Variants in KIF26B observed in about 807,000 individuals in gnomAD.
KIF26B encodes the protein kinesin family member 26B.
A neutral mutation model predicts 151.2 loss-of-function variants in KIF26B; 63 were observed. That is an observed-to-expected ratio of 0.42 (90% CI 0.34 to 0.51). KIF26B has a LOEUF of 0.51. KIF26B is among the 20% of genes least tolerant of loss of function. The probability of loss-of-function intolerance (pLI) is 0.07; values close to 1 mark genes in which losing one functional copy is unlikely to be tolerated. For missense variants in KIF26B, 2,813 were observed against 2,913.6 expected (o/e 0.97, Z 0.79); for synonymous variants, 1,357 against 1,262.1 (o/e 1.08, Z -1.59).
chr1:245,305,765 C>T (rs1274680734), intron 2 of KIF26B, among the ~76,000 whole-genome samples: 3 of 151,704 alleles, frequency 2.0e-5, no homozygotes, highest in Non-Finnish European at 4.4e-5. Context: ...GGTGAAACCC[C>T]GTCTCTACTA....
At chr1:245,412,733 G>C (rs1430275363) in intron 3 of KIF26B, among the ~76,000 whole-genome samples, 1 of 152,176 alleles carries the variant, frequency 6.6e-6, no homozygotes, top group Non-Finnish European at 1.5e-5. Context: ...TGAGGTATCA[G>C]TGTAGACATT....
intron 4 of KIF26B, among the ~76,000 whole-genome samples, chr1:245,435,695 A>G (rs1658912480): frequency 6.6e-6 from 1 of 152,134 alleles, no homozygotes; most frequent in East Asian, 1.9e-4. Flanking sequence ...AATATACCCA[A>G]GCTCCACTCT....
chr1:245,208,525 GA>G (rs1669451375), intron 2 of KIF26B, among the ~76,000 whole-genome samples: 1 of 152,186 alleles, frequency 6.6e-6, no homozygotes, highest in Admixed American at 6.5e-5. Context: ...CCTTCCTCAG[GA>G]GAGGTGGCAC....
chr1:245,685,714 G>C lies in KIF26B; in HGVS notation c.2731G>C (p.Ala911Pro). 6.2e-7 allele frequency: 1 copy of C among 1,611,796 alleles called. No individual in the cohort carries two copies. The highest frequency in any genetic ancestry group is 8.5e-7 in the Non-Finnish European group (1 of 1,179,204). The change falls in exon 12 of 15, where the codon GCT becomes CCT. Residue 911 changes from alanine to proline, a missense_variant. By Grantham distance (27) the Ala-to-Pro change is conservative (BLOSUM62 -1). Transcript: ENST00000407071. ...GDSRPAEAGE[A>P]AAGKSERDCL... ...CAGCCGGCCCGCAGAGGCAGGAGAG[G>C]CTGCAGCCGGCAAGTCAGAAAGGGA...
At chr1:245,273,329 A>G (rs1670883583) in intron 2 of KIF26B, among the ~76,000 whole-genome samples, 1 of 152,022 alleles carries the variant, frequency 6.6e-6, no homozygotes, top group Admixed American at 6.6e-5. Flanking sequence ...GAGGCCAGAG[A>G]ATCGCTTGAA....
At chr1:245,609,157 C>T in intron 7 of KIF26B, 109 bp from the exon 8 acceptor site, 1 of 1,019,720 alleles carries the variant, frequency 9.8e-7, no homozygotes, top group Non-Finnish European at 1.4e-6. Context: ...CTTCCCTTTT[C>T]CCCCCTTCCC....
At position 245,688,247 on chromosome 1, in the gene KIF26B, C is replaced by T; in HGVS notation, c.5264C>T (p.Thr1755Ile). 1 of 1,593,392 alleles carries T rather than the reference C, an allele frequency of 6.3e-7. No individual in the cohort carries two copies. ...GGCCCGTCCGCCTCCACCACCAAAACCCTCAGCTTCTCCACCAAGTCCCTG... is the reference window on the plus strand; with the variant it reads ...GGCCCGTCCGCCTCCACCACCAAAATCCTCAGCTTCTCCACCAAGTCCCTG... ...ARGPSASTTK[T>I]LSFSTKSLPQ... is the part of the protein sequence containing the mutation. Residue 1755 changes from threonine (T) to isoleucine (I), a missense_variant, in exon 12 of 15, where the codon ACC becomes ATC. Physicochemically the swap from Thr to Ile is moderately conservative, Grantham distance 89 (BLOSUM62 -1). This residue lies in a region of KIF26B where 2,060 missense variants were observed against 2,088.6 expected (regional missense o/e 0.99). Transcript: ENST00000407071.
intron 2 of KIF26B, among the ~76,000 whole-genome samples, chr1:245,289,303 T>A (rs1270208574): frequency 2.0e-5 from 3 of 152,202 alleles, no homozygotes; most frequent in African/African-American, 7.2e-5. Context: ...TCAAAGAAAT[T>A]ACCGGCATGC....
intron 4 of KIF26B, among the ~76,000 whole-genome samples, chr1:245,480,688 T>C (rs1048687297): frequency 2.6e-5 from 4 of 151,608 alleles, no homozygotes; most frequent in African/African-American, 7.3e-5. Context: ...ACCTGAATTG[T>C]TCTCACTCTG....
intron 4 of KIF26B, among the ~76,000 whole-genome samples, chr1:245,522,062 G>A (rs1044793379): frequency 1.3e-5 from 2 of 152,024 alleles, no homozygotes; most frequent in African/African-American, 2.4e-5. Context: ...GTAGAGACGG[G>A]GTTTCACCGT....
At chr1:245,587,067 C>T (rs1442018013) in intron 5 of KIF26B, among the ~76,000 whole-genome samples, 1 of 152,188 alleles carries the variant, frequency 6.6e-6, no homozygotes, top group Non-Finnish European at 1.5e-5. Flanking sequence ...CATAGAAGTA[C>T]CTTGCCCCAA....
At chr1:245,443,441 C>G (rs1443368015) in intron 4 of KIF26B, among the ~76,000 whole-genome samples, 1 of 109,898 alleles carries the variant, frequency 9.1e-6, no homozygotes, top group Non-Finnish European at 1.9e-5. Flanking sequence ...CTGCGGTCAT[C>G]TCCCTCACTG....
At chr1:245,485,444 C>T (rs527578534) in intron 4 of KIF26B, among the ~76,000 whole-genome samples, 3 of 146,950 alleles carry the variant, frequency 2.0e-5, no homozygotes, top group Admixed American at 7.0e-5. Context: ...AGTGCAATGG[C>T]GTGATCTCGG....
chr1:245,432,764 A>G (rs953331635), intron 4 of KIF26B, among the ~76,000 whole-genome samples: 3 of 152,174 alleles, frequency 2.0e-5, no homozygotes, highest in Admixed American at 2.0e-4. Context: ...GAAAACACCA[A>G]TCTGTCCAGG....
intron 9 of KIF26B, among the ~76,000 whole-genome samples, chr1:245,612,323 G>A (rs1209301659): frequency 6.6e-6 from 1 of 152,028 alleles, no homozygotes; most frequent in Non-Finnish European, 1.5e-5. Flanking sequence ...ATGTTGCCCA[G>A]GCTGGTCTAG....
chr1:245,260,088 T>G (rs7536824), intron 2 of KIF26B, among the ~76,000 whole-genome samples: 91,762 of 151,718 alleles, frequency 0.6, 29,069 homozygotes, highest in African/African-American at 0.79. Flanking sequence ...TGGGATGGGG[T>G]CGGAGGAGAG....
chr1:245,686,496 C>T lies in KIF26B; in HGVS notation c.3513C>T (p.Thr1171=). The T allele has an allele frequency of 6.2e-7, 1 of 1,613,060 alleles. No homozygotes were observed. The highest frequency in any genetic ancestry group is 1.1e-5 in the South Asian group (1 of 91,086). ...AGTCCAAGAAGGAGATCCTGAGCAC[C>T]ACGATGGTGACGGTGCAGCAGCCAC... ...PSESKKEILS[T]TMVTVQQPLE... Residue 1171 remains threonine (T), a synonymous_variant, in exon 12 of 15, where the codon ACC becomes ACT. Coordinates refer to ENST00000407071, the MANE Select transcript of KIF26B (RefSeq NM_018012.4). This position sits in a 1 kb window ranked among gnomAD's most constrained non-coding sequence, Gnocchi z 5.6.
intron 2 of KIF26B, among the ~76,000 whole-genome samples, chr1:245,299,111 CT>C: frequency 6.6e-6 from 1 of 152,324 alleles, no homozygotes; most frequent in East Asian, 1.9e-4. Flanking sequence ...TGCCTCCCGC[CT>C]GCCTTTTAGC....
At chr1:245,470,197 A>AG (rs999544368) in intron 4 of KIF26B, among the ~76,000 whole-genome samples, 1 of 152,048 alleles carries the variant, frequency 6.6e-6, no homozygotes, top group Non-Finnish European at 1.5e-5. Context: ...TTCTAAGGGC[A>AG]GGGGGAGTTC....
Sources: allele counts gnomAD v4.1 joint callset (sites outside exome capture counted in the v4.1 genomes callset), GRCh38; gene constraint gnomAD v4.1.1; regional missense constraint gnomAD v4.1.1; non-coding constraint Gnocchi (gnomAD v3.1); transcripts MANE v1.5; gene names NCBI Gene and HGNC (gene_info 2026-07-23, HGNC 2026-07-21).